Variants in TULP4 observed in about 807,000 individuals in gnomAD.
TULP4 encodes the protein tubby-related protein 4.
TULP4 carries 16 observed loss-of-function variants against 129.0 expected under a neutral mutation model. That is an observed-to-expected ratio of 0.12 (90% confidence interval 0.08 to 0.19). TULP4 has a LOEUF of 0.19. Among genes scored for constraint, TULP4 ranks in the 10% least tolerant of loss-of-function variants. The pLI is 1.00. For synonymous variants in TULP4, 998 were observed against 854.0 expected, an observed-to-expected ratio of 1.17 and a Z score of -2.94; for missense variants, 1,842 against 2,059.1, an observed-to-expected ratio of 0.89 and a Z score of 2.04.
chr6:158,491,932 C>T (rs569321171), intron 9 of TULP4, among the ~76,000 whole-genome samples: 2 of 152,076 alleles, frequency 1.3e-5, no homozygotes, highest in African/African-American at 4.8e-5. Flanking sequence ...GATCTTGGCT[C>T]ACTGCAACCT....
chr6:158,366,480 A>G (rs1283875961), intron 1 of TULP4, among the ~76,000 whole-genome samples: 2 of 152,178 alleles, frequency 1.3e-5, no homozygotes, highest in South Asian at 2.1e-4. Context: ...TATCTCAGCC[A>G]TAGCCTCCGG....
At chr6:158,417,763 T>TATATA (rs1778243331) in intron 2 of TULP4, among the ~76,000 whole-genome samples, 1 of 152,210 alleles carries the variant, frequency 6.6e-6, no homozygotes. Flanking sequence ...TATAGCATGC[T>TATATA]TTTCATTGTC....
At chr6:158,467,423 G>A (rs1447880940) in intron 6 of TULP4, among the ~76,000 whole-genome samples, 1 of 152,026 alleles carries the variant, frequency 6.6e-6, no homozygotes, top group African/African-American at 2.4e-5. Flanking sequence ...GGTATTACAG[G>A]CGCGTGCCAC....
intron 1 of TULP4, among the ~76,000 whole-genome samples, chr6:158,361,302 A>C (rs758482750): frequency 1.3e-5 from 2 of 152,238 alleles, no homozygotes; most frequent in Non-Finnish European, 2.9e-5. Context: ...TCCTGTTAGC[A>C]GTACCTCCAG....
rs751088380 is a variant in TULP4 at position 158,313,986 on chromosome 6, T to C, written c.-31T>C. 1 of 1,602,584 alleles carries C rather than the reference T, an allele frequency of 6.2e-7. No homozygotes were observed. Among genetic ancestry groups the C allele is most frequent in the African/African-American group, 1.3e-5 (1 of 74,632 alleles). ...TTAAATTTCACAGCATTAACATTAC[T>C]TTTTAAGTAAAACAGTTCATTGAAG... On this transcript the variant is annotated 5_prime_UTR_variant, in exon 1 of 14. Transcript: ENST00000367097.
At chr6:158,346,899 T>C (rs1412463948) in intron 1 of TULP4, among the ~76,000 whole-genome samples, 1 of 148,352 alleles carries the variant, frequency 6.7e-6, no homozygotes, top group Non-Finnish European at 1.5e-5. Flanking sequence ...GCATCTTTTT[T>C]GCCCCTCAAA....
At chr6:158,303,446 A>G (rs534816855) in intron 1 of TULP4, among the ~76,000 whole-genome samples, 4 of 152,308 alleles carry the variant, frequency 2.6e-5, no homozygotes, top group African/African-American at 9.6e-5. Flanking sequence ...GGGAGTAGGT[A>G]CAAAGATCAC....
At chr6:158,265,151 T>C (rs1778425609) in intron 1 of TULP4, among the ~76,000 whole-genome samples, 1 of 152,190 alleles carries the variant, frequency 6.6e-6, no homozygotes, top group Non-Finnish European at 1.5e-5. Context: ...GTCTGTTCAC[T>C]TGCAGATGGG....
rs747157828 is a variant in TULP4, at chr6:158,506,637, C to T, written c.4575C>T (p.Phe1525=). Residue 1525 remains phenylalanine (F), a synonymous_variant, in exon 14 of 14, where the codon TTC becomes TTT. Transcript: ENST00000367097. The part of the protein sequence containing the change: ...SAYILDFQYP[F]SAVQAFAVAL... ...ACATTCTAGACTTCCAGTATCCGTT[C>T]TCAGCCGTGCAGGCCTTTGCAGTTG... The T allele has an allele frequency of 6.2e-7, 1 of 1,614,134 alleles. No individual in the cohort carries two copies. Among genetic ancestry groups the T allele is most frequent in the Non-Finnish European group, 8.5e-7 (1 of 1,179,962 alleles).
At chr6:158,452,395 G>C (rs1779181937) in intron 5 of TULP4, 127 bp downstream of exon 5, 2 of 1,296,526 alleles carry the variant, frequency 1.5e-6, no homozygotes, top group Non-Finnish European at 2.1e-6. Flanking sequence ...GGGCTTCATG[G>C]AGTCTGTTAA....
intron 6 of TULP4, among the ~76,000 whole-genome samples, chr6:158,479,048 C>A (rs1012137747): frequency 6.6e-6 from 1 of 152,116 alleles, no homozygotes; most frequent in East Asian, 1.9e-4. Flanking sequence ...GTAATCCTCA[C>A]AGGGTCCCCA....
chr6:158,370,038 T>C (rs538087184), intron 1 of TULP4, among the ~76,000 whole-genome samples: 11 of 150,688 alleles, frequency 7.3e-5, no homozygotes, highest in African/African-American at 2.7e-4. Context: ...CCCATCTCTA[T>C]AAAAAATACA....
At chr6:158,286,886 T>A (rs4710222) in intron 1 of TULP4, among the ~76,000 whole-genome samples, 2 of 152,132 alleles carry the variant, frequency 1.3e-5, no homozygotes, top group South Asian at 2.1e-4. Flanking sequence ...ATAATAGGAC[T>A]TGTAATTTCC....
At chr6:158,410,128 A>C (rs752795524) in intron 1 of TULP4, among the ~76,000 whole-genome samples, 28 of 152,232 alleles carry the variant, frequency 1.8e-4, no homozygotes, top group Non-Finnish European at 3.7e-4. Context: ...TGCTGGGATT[A>C]CAGGCGTGAG....
intron 1 of TULP4, among the ~76,000 whole-genome samples, chr6:158,405,550 G>C (rs537026806): frequency 7.2e-5 from 11 of 152,300 alleles, no homozygotes; most frequent in Non-Finnish European, 1.5e-5. Flanking sequence ...TGAGATAATG[G>C]AGAGCAGGTT....
At chr6:158,468,271 A>G (rs997346312) in intron 6 of TULP4, among the ~76,000 whole-genome samples, 4 of 152,234 alleles carry the variant, frequency 2.6e-5, no homozygotes, top group Non-Finnish European at 5.9e-5. Flanking sequence ...CAAGCTAGGT[A>G]GGTAAACTAC....
chr6:158,493,793 G>T lies in TULP4; in HGVS notation c.1776+76G>T. The T allele has an allele frequency of 6.9e-7, 1 of 1,439,302 alleles. No homozygotes were observed. 89.2% of individuals were successfully genotyped at this position (1,439,302 alleles called of 1,614,324 possible). A position where few individuals can be genotyped will look rare whatever the true frequency, so the allele number is the denominator to read the frequency against. On this transcript the variant is annotated intron_variant, in intron 10 of 13. Transcript: ENST00000367097. The surrounding 1 kb of genome is among the most constrained non-coding windows in gnomAD (Gnocchi z 4.4). ...CCCAGAGGGCCCCTTCCTACCCGCCGCCTGCACTGCTCACTGCCACCATGG... is the reference window on the plus strand; with the variant it reads ...CCCAGAGGGCCCCTTCCTACCCGCCTCCTGCACTGCTCACTGCCACCATGG...
intron 1 of TULP4, among the ~76,000 whole-genome samples, chr6:158,292,581 T>A (rs1178815075): frequency 1.3e-5 from 2 of 152,256 alleles, no homozygotes; most frequent in African/African-American, 4.8e-5. Flanking sequence ...TTTTACTTCC[T>A]GAGAACGTCT....
At chr6:158,240,791 G>T (rs1408947125) in intron 1 of TULP4, among the ~76,000 whole-genome samples, 1 of 146,730 alleles carries the variant, frequency 6.8e-6, no homozygotes. Flanking sequence ...TGGCCAGGCG[G>T]GGGGCTGAAC....
Sources: allele counts gnomAD v4.1 joint callset (sites outside exome capture counted in the v4.1 genomes callset), GRCh38; gene constraint gnomAD v4.1.1; non-coding constraint Gnocchi (gnomAD v3.1); transcripts MANE v1.5; gene names NCBI Gene and HGNC (gene_info 2026-07-23, HGNC 2026-07-21).